The following NIN variants were observed in gnomAD, a reference collection of about 807,000 sequenced individuals.
The protein encoded by NIN is glycogen synthase kinase 3 beta-interacting protein.
Under a neutral mutation model 257.6 loss-of-function variants are expected in NIN, and 137 were observed. The ratio of observed to expected loss-of-function variants is 0.53; its 90% CI spans 0.46 to 0.61. The LOEUF is 0.61. NIN is among the 20% of genes least tolerant of loss of function. The probability of loss-of-function intolerance (pLI) is 0.00; values close to 1 mark genes in which losing one functional copy is unlikely to be tolerated. For synonymous variants in NIN, 918 were observed against 919.8 expected, an observed-to-expected ratio of 1.00 and a Z score of 0.04; for missense variants, 2,439 against 2,501.2, an observed-to-expected ratio of 0.98 and a Z score of 0.53.
Position 50,821,505 on chromosome 14 carries a change from A to G in NIN, c.183+369T>C, listed in dbSNP as rs539525804. On this transcript the variant is annotated intron_variant, in intron 3 of 30. Coordinates refer to ENST00000530997, the MANE Select transcript of NIN (RefSeq NM_020921.4). ...CTTCACTGGGAGTAAAAGTCATAACAATAGCTTTCTTACTGCATTTTCTTT... is the reference window on the plus strand; with the variant it reads ...CTTCACTGGGAGTAAAAGTCATAACGATAGCTTTCTTACTGCATTTTCTTT... Among the ~76,000 whole-genome samples, 4 of 152,354 alleles carry G rather than the reference A, an allele frequency of 2.6e-5. No individual in the cohort carries two copies. In the South Asian group the frequency reaches 8.3e-4, roughly 32 times the overall value.
Position 50,729,665 on chromosome 14 carries a change from T to C in NIN, c.5936A>G (p.Gln1979Arg). ...CGGACAGGCTTGCTGCTGGAGCAGC[T>C]GCAAATCCCAAGCATGAGGGGACGG... The part of the protein sequence containing the change: ...PSPSPHAWDL[Q>R]LLQQQACPMV... Residue 1979 changes from glutamine to arginine, a missense_variant, in exon 29 of 31, where the codon CAG becomes CGG. This residue lies in a region of NIN where 2,043 missense variants were observed against 2,050.2 expected (regional missense o/e 1.00). Transcript: ENST00000530997. 6.2e-7 allele frequency: 1 copy of C among 1,613,742 alleles called. No homozygotes were observed. The highest frequency in any genetic ancestry group is 8.5e-7 in the Non-Finnish European group (1 of 1,179,878).
At chr14:50,818,783 C>A (rs1176258773) in intron 3 of NIN, among the ~76,000 whole-genome samples, 1 of 151,400 alleles carries the variant, frequency 6.6e-6, no homozygotes, top group African/African-American at 2.4e-5. Context: ...AGCTATAAAG[C>A]AAGACAAATG....
intron 2 of NIN, among the ~76,000 whole-genome samples, chr14:50,825,618 CA>C (rs1184650256): frequency 2.0e-5 from 3 of 152,216 alleles, no homozygotes; most frequent in African/African-American, 7.2e-5. Flanking sequence ...TCTCCTTGAA[CA>C]AAATGGGGGT....
chr14:50,812,666 G>C (rs2044690098), intron 3 of NIN, among the ~76,000 whole-genome samples: 1 of 152,126 alleles, frequency 6.6e-6, no homozygotes, highest in Non-Finnish European at 1.5e-5. Context: ...TGTCCTACTT[G>C]GCCAATAGGG....
At chr14:50,764,795 T>A (rs2042408886) in intron 14 of NIN, among the ~76,000 whole-genome samples, 1 of 151,984 alleles carries the variant, frequency 6.6e-6, no homozygotes, top group Admixed American at 6.6e-5. Context: ...CACTAATAAT[T>A]GCCTAGAGCT....
intron 20 of NIN, 49 bp from the exon 21 acceptor site, chr14:50,752,782 TAAA>T (rs3083537): frequency 4.6e-3 from 3,193 of 689,152 alleles, no homozygotes; most frequent in South Asian, 6.8e-3. Context: ...CTACTTGTGC[TAAA>T]AAAAAAAAAA....
At chr14:50,729,747 G>A (rs745360444) in intron 28 of NIN, 24 bp from the exon 29 acceptor site, 1 of 1,545,072 alleles carries the variant, frequency 6.5e-7, no homozygotes, top group Non-Finnish European at 8.7e-7. Context: ...GCAAAGCCCT[G>A]TTCAGCTGAG....
At chr14:50,732,121 G>A (rs1595708770) in intron 28 of NIN, among the ~76,000 whole-genome samples, 1 of 152,158 alleles carries the variant, frequency 6.6e-6, no homozygotes, top group East Asian at 1.9e-4. Context: ...CTAGTGATCT[G>A]TGATCTTTAA....
chr14:50,785,925 C>G (rs1447689273), intron 5 of NIN, among the ~76,000 whole-genome samples: 1 of 152,194 alleles, frequency 6.6e-6, no homozygotes, highest in Non-Finnish European at 1.5e-5. Flanking sequence ...CGGACAAGCT[C>G]CTAAGGCCAG....
Position 50,720,854 on chromosome 14 carries a change from C to T in NIN, c.*2609G>A, listed in dbSNP as rs771453980. ...CAAACTTGATTCCCTTTTCTTGAAA[C>T]GAAGATCCCATCTTCTGAGACGATC... On this transcript the variant is annotated 3_prime_UTR_variant, in exon 31 of 31. Transcript: ENST00000530997. The T allele has an allele frequency of 2.5e-5, 5 of 199,064 alleles. No homozygotes were observed. Among genetic ancestry groups the T allele is most frequent in the Non-Finnish European group, 4.1e-5 (4 of 96,576 alleles). The allele number at this position is 199,064 out of a possible 1,614,324, so 12.3% of individuals were successfully genotyped here.
chr14:50,781,076 C>T (rs1415947547), intron 5 of NIN, among the ~76,000 whole-genome samples: 4 of 152,128 alleles, frequency 2.6e-5, no homozygotes, highest in Non-Finnish European at 5.9e-5. Context: ...ATTTATTTTC[C>T]TGTTCAACAG....
intron 3 of NIN, among the ~76,000 whole-genome samples, chr14:50,815,037 A>T (rs2044819385): frequency 1.3e-5 from 2 of 152,392 alleles, no homozygotes; most frequent in Non-Finnish European, 2.9e-5. Context: ...AAAAATTGAC[A>T]AATGAGATCT....
intron 7 of NIN, among the ~76,000 whole-genome samples, chr14:50,776,154 A>C (rs1260024657): frequency 1.3e-5 from 2 of 151,728 alleles, no homozygotes; most frequent in Non-Finnish European, 2.9e-5. Flanking sequence ...CCCTACCCTA[A>C]CTCTCTCCAA....
chr14:50,746,373 G>A (rs114779028), intron 22 of NIN, among the ~76,000 whole-genome samples: 1 of 152,182 alleles, frequency 6.6e-6, no homozygotes, highest in Non-Finnish European at 1.5e-5. Context: ...GGCAGAACAT[G>A]CATTTTGCAT....
chr14:50,782,966 GCGT>G (rs5808572), intron 5 of NIN, among the ~76,000 whole-genome samples: 147,356 of 152,188 alleles, frequency 0.97, 71,549 homozygotes, highest in East Asian at 1. Context: ...CAACCCAAAA[GCGT>G]CGTCAGATAC....
At position 50,758,668 on chromosome 14, in the gene NIN, G is replaced by A. The variant is rs186542928; in HGVS notation, c.2400-38C>T. On this transcript the variant is annotated intron_variant, in intron 17 of 30. Coordinates refer to ENST00000530997, the MANE Select transcript of NIN (RefSeq NM_020921.4). Reference sequence around the variant, plus strand: ...AACATACAGCATTATTGAAACTGCCGCCAACTCCAGAAGCAAACAAAAACC... The same window carrying A: ...AACATACAGCATTATTGAAACTGCCACCAACTCCAGAAGCAAACAAAAACC... 111 of 1,510,360 alleles carry A rather than the reference G, an allele frequency of 7.3e-5. No individual in the cohort carries two copies. In the East Asian group the frequency reaches 2.2e-3, roughly 30 times the overall value. 93.6% of individuals were successfully genotyped at this position (1,510,360 alleles called of 1,614,324 possible). A position where few individuals can be genotyped will look rare whatever the true frequency, so the allele number is the denominator to read the frequency against.
intron 3 of NIN, among the ~76,000 whole-genome samples, chr14:50,814,213 G>C (rs554330262): frequency 1.3e-3 from 193 of 152,302 alleles, no homozygotes; most frequent in Non-Finnish European, 2.1e-3. Context: ...TGTACTCCAA[G>C]ACTGGTCCAA....
At chr14:50,749,334 G>T (rs189433445) in intron 21 of NIN, among the ~76,000 whole-genome samples, 1 of 152,280 alleles carries the variant, frequency 6.6e-6, no homozygotes, top group African/African-American at 2.4e-5. Context: ...AGACTTAAAT[G>T]TAAGACCCAA....
In NIN at chr14:50,758,083, T is replaced by C; in HGVS notation, c.2947A>G (p.Met983Val). 6.2e-7 allele frequency: 1 copy of C among 1,614,196 alleles called. No individual in the cohort carries two copies. The highest frequency in any genetic ancestry group is 1.1e-5 in the South Asian group (1 of 91,082). ...EMEHDQERQEMMSKLLAMENI... is the reference protein window; with the variant it reads ...EMEHDQERQEVMSKLLAMENI... ...TCCATGGCTAGAAGCTTGGACATCA[T>C]TTCCTGCCTTTCCTGGTCATGTTCC... The change falls in exon 18 of 31, where the codon ATG becomes GTG. Residue 983 changes from methionine to valine, a missense_variant. Met to Val is a conservative substitution (Grantham distance 21). This residue lies in a region of NIN where 2,043 missense variants were observed against 2,050.2 expected (regional missense o/e 1.00). Transcript: ENST00000530997.
Sources: allele counts gnomAD v4.1 joint callset (sites outside exome capture counted in the v4.1 genomes callset), GRCh38; gene constraint gnomAD v4.1.1; regional missense constraint gnomAD v4.1.1; transcripts MANE v1.5; gene names NCBI Gene and HGNC (gene_info 2026-07-23, HGNC 2026-07-21).